Variants in RYR2 observed in about 807,000 individuals in gnomAD.
RYR2 encodes ryanodine receptor 2, also known as cardiac muscle ryanodine receptor-calcium release channel.
Under a neutral mutation model 601.1 loss-of-function variants are expected in RYR2, and 227 were observed. The observed-to-expected ratio is 0.38, with a 90% CI of 0.34 to 0.42. The LOEUF (loss-of-function observed/expected upper bound fraction) is 0.42, where lower values mean the gene tolerates loss of function less well. Among genes scored for constraint, RYR2 ranks in the 10% least tolerant of loss-of-function variants. The probability of loss-of-function intolerance (pLI) is 1.00; values close to 1 mark genes in which losing one functional copy is unlikely to be tolerated. For missense variants in RYR2, 4,646 were observed against 6,156.5 expected (o/e 0.75, Z 8.21); for synonymous variants, 2,223 against 2,175.1 (o/e 1.02, Z -0.61).
intron 2 of RYR2, among the ~76,000 whole-genome samples, chr1:237,321,745 A>T (rs906810568): frequency 2.6e-5 from 4 of 152,194 alleles, no homozygotes; most frequent in Admixed American, 6.5e-5. Context: ...GGCAGTGGGG[A>T]TGAAGTCATA....
chr1:237,454,921 T>A (rs1304565416), intron 15 of RYR2, among the ~76,000 whole-genome samples: 1 of 152,164 alleles, frequency 6.6e-6, no homozygotes, highest in African/African-American at 2.4e-5. Flanking sequence ...ATACAGGCTT[T>A]AGAAAGCATC....
intron 63 of RYR2, 87 bp from the exon 64 acceptor site, chr1:237,698,878 T>C: frequency 2.9e-6 from 2 of 690,408 alleles, no homozygotes; most frequent in Admixed American, 2.7e-5. Flanking sequence ...TGTCATTGAC[T>C]AATTTTTCTA....
intron 44 of RYR2, among the ~76,000 whole-genome samples, chr1:237,637,583 G>T (rs1001110847): frequency 4.6e-5 from 7 of 152,194 alleles, no homozygotes; most frequent in African/African-American, 1.7e-4. Context: ...ATGTTTGACT[G>T]TGATCTTAGG....
intron 1 of RYR2, among the ~76,000 whole-genome samples, chr1:237,172,470 G>A (rs1036297965): frequency 1.3e-5 from 2 of 151,770 alleles, no homozygotes; most frequent in African/African-American, 4.9e-5. Context: ...ATTTAAAAAC[G>A]GCTATTTTTG....
chr1:237,134,382 C>T (rs1160636532), intron 1 of RYR2, among the ~76,000 whole-genome samples: 1 of 152,170 alleles, frequency 6.6e-6, no homozygotes. Context: ...ACTCACAGTT[C>T]CACGTGGCTG....
intron 68 of RYR2, among the ~76,000 whole-genome samples, chr1:237,707,560 ACATT>A (rs1211911517): frequency 6.6e-6 from 1 of 152,346 alleles, no homozygotes; most frequent in East Asian, 1.9e-4. Context: ...CAAAAATAAA[ACATT>A]CAACTTTTAG....
At chr1:237,189,228 T>A (rs996473960) in intron 1 of RYR2, among the ~76,000 whole-genome samples, 9 of 152,216 alleles carry the variant, frequency 5.9e-5, no homozygotes, top group African/African-American at 2.2e-4. Flanking sequence ...AGAATTTCCT[T>A]CTTTTAAGGC....
chr1:237,567,591 A>G (rs1672223759), intron 28 of RYR2, among the ~76,000 whole-genome samples: 1 of 152,096 alleles, frequency 6.6e-6, no homozygotes, highest in South Asian at 2.1e-4. Flanking sequence ...CCTTGTCTCA[A>G]AACAAACAAA....
intron 63 of RYR2, 111 bp downstream of exon 63, chr1:237,687,615 C>T: frequency 1.2e-6 from 1 of 820,512 alleles, no homozygotes; most frequent in East Asian, 2.7e-5. Flanking sequence ...TGCATGGCTG[C>T]ATGCATGGTC....
chr1:237,148,343 G>A (rs1674242479), intron 1 of RYR2, among the ~76,000 whole-genome samples: 2 of 151,698 alleles, frequency 1.3e-5, no homozygotes, highest in African/African-American at 4.8e-5. Flanking sequence ...ATCACACACT[G>A]GGGCCTGTCG....
At chr1:237,562,413 C>T (rs902457744) in intron 27 of RYR2, among the ~76,000 whole-genome samples, 1 of 152,060 alleles carries the variant, frequency 6.6e-6, no homozygotes, top group Non-Finnish European at 1.5e-5. Flanking sequence ...TCTTGACTGC[C>T]CTCTAGTGGC....
At chr1:237,624,672 T>C (rs1461209120) in intron 39 of RYR2, among the ~76,000 whole-genome samples, 1 of 152,158 alleles carries the variant, frequency 6.6e-6, no homozygotes, top group Non-Finnish European at 1.5e-5. Flanking sequence ...GTAATCCAAA[T>C]CTGTTAAGGG....
intron 17 of RYR2, among the ~76,000 whole-genome samples, chr1:237,485,541 C>T (rs2150382941): frequency 6.6e-6 from 1 of 152,284 alleles, no homozygotes; most frequent in South Asian, 2.1e-4. Context: ...AGGTAACTTT[C>T]AACCTTTGCA....
intron 66 of RYR2, 67 bp downstream of exon 66, chr1:237,702,126 G>C (rs1202258449): frequency 2.2e-6 from 2 of 897,442 alleles, no homozygotes; most frequent in Admixed American, 4.1e-5. Context: ...TTTATTTCAA[G>C]AATCTTCATT....
chr1:237,092,586 G>A lies in RYR2; in HGVS notation c.48+50017G>A, dbSNP rs377711334. On this transcript the variant is annotated intron_variant, in intron 1 of 104. Transcript: ENST00000366574. ...TCTCTGTTGCCCAGGCTGGAGTGCC[G>A]TGGTGTGATTTCGGCTCACTGCAAC... Among the ~76,000 whole-genome samples the A allele has an allele frequency of 1.4e-3, 213 of 147,936 alleles. 1 individual carries two copies. The highest frequency in any genetic ancestry group is 5.2e-3 in the African/African-American group (207 of 39,904).
At position 237,545,631 on chromosome 1, in the gene RYR2, G is replaced by A. The variant is rs549030817; in HGVS notation, c.2907-2800G>A. ...AGGAAGCAAGGAAGTACAGAAGACT[G>A]GGCTCTTCATCATGTACCCTGAGGC... On this transcript the variant is annotated intron_variant, in intron 25 of 104. Coordinates refer to ENST00000366574, the MANE Select transcript of RYR2 (RefSeq NM_001035.3). 4.5e-4 allele frequency among the ~76,000 whole-genome samples: 68 copies of A among 152,190 alleles called. 1 individual carries two copies. The highest frequency in any genetic ancestry group is 1.6e-3 in the African/African-American group (68 of 41,518).
chr1:237,408,717 A>G (rs1397157053), intron 10 of RYR2, among the ~76,000 whole-genome samples: 1 of 152,144 alleles, frequency 6.6e-6, no homozygotes, highest in Non-Finnish European at 1.5e-5. Context: ...CTACAAAATA[A>G]CTTGCTGGGA....
rs1444637211 is a variant in RYR2 at position 237,610,649 on chromosome 1, C to A, written c.4684-113C>A. 1.2e-6 allele frequency: 1 copy of A among 860,308 alleles called. No individual in the cohort carries two copies. Among genetic ancestry groups the A allele is most frequent in the Non-Finnish European group, 1.8e-6 (1 of 559,938 alleles). The allele number at this position is 860,308 out of a possible 1,614,324, so 53.3% of individuals were successfully genotyped here. A position where few individuals can be genotyped will look rare whatever the true frequency, so the allele number is the denominator to read the frequency against. Reference sequence around the variant, plus strand: ...TTTCTTGTGTTGACTTTGCTTGACTCATAGGGTTATCTTACTTTCCCTGTC... The same window carrying A: ...TTTCTTGTGTTGACTTTGCTTGACTAATAGGGTTATCTTACTTTCCCTGTC... On this transcript the variant is annotated intron_variant, in intron 35 of 104. Transcript: ENST00000366574. The surrounding 1 kb of genome is among the most constrained non-coding windows in gnomAD (Gnocchi z 4.9).
chr1:237,628,675 C>T, intron 41 of RYR2, among the ~76,000 whole-genome samples: 1 of 151,934 alleles, frequency 6.6e-6, no homozygotes, highest in Non-Finnish European at 1.5e-5. Context: ...GTGTGGCACA[C>T]AGCCAATATC....
Sources: allele counts gnomAD v4.1 joint callset (sites outside exome capture counted in the v4.1 genomes callset), GRCh38; gene constraint gnomAD v4.1.1; non-coding constraint Gnocchi (gnomAD v3.1); transcripts MANE v1.5; gene names NCBI Gene and HGNC (gene_info 2026-07-23, HGNC 2026-07-21).